Variants in LRBA observed in about 807,000 individuals in gnomAD.
The protein encoded by LRBA is LPS responsive beige-like anchor protein, also known as lipopolysaccharide-responsive and beige-like anchor protein.
A neutral mutation model predicts 330.0 loss-of-function variants in LRBA; 176 were observed. The observed-to-expected ratio is 0.53, with a 90% CI of 0.47 to 0.60. The LOEUF (loss-of-function observed/expected upper bound fraction) is 0.60. LRBA is among the 20% of genes least tolerant of loss of function. The probability of loss-of-function intolerance (pLI) is 0.00; values close to 1 mark genes in which losing one functional copy is unlikely to be tolerated. For synonymous variants in LRBA, 1,230 were observed against 1,193.0 expected, an observed-to-expected ratio of 1.03 and a Z score of -0.64; for missense variants, 3,259 against 3,444.8, an observed-to-expected ratio of 0.95 and a Z score of 1.35.
At chr4:150,474,072 T>C (rs954221043) in intron 42 of LRBA, among the ~76,000 whole-genome samples, 1 of 152,170 alleles carries the variant, frequency 6.6e-6, no homozygotes, top group Non-Finnish European at 1.5e-5. Context: ...AGAAAGTTTT[T>C]CTCCTATGTT....
intron 30 of LRBA, among the ~76,000 whole-genome samples, chr4:150,826,126 AT>A (rs2126802896): frequency 6.6e-6 from 1 of 152,340 alleles, no homozygotes; most frequent in South Asian, 2.1e-4. Flanking sequence ...AACTGAAGTC[AT>A]TATATGTCAA....
At chr4:150,407,043 A>T (rs1226280128) in intron 47 of LRBA, among the ~76,000 whole-genome samples, 2 of 152,168 alleles carry the variant, frequency 1.3e-5, no homozygotes, top group Non-Finnish European at 2.9e-5. Context: ...TTAGCCTCCC[A>T]AAGTGCTGGG....
At chr4:150,828,073 A>T in intron 30 of LRBA, 107 bp downstream of exon 30, 1 of 927,954 alleles carries the variant, frequency 1.1e-6, no homozygotes, top group Non-Finnish European at 1.6e-6. Context: ...GGGAGTGAAA[A>T]GTTATATGTG....
intron 37 of LRBA, among the ~76,000 whole-genome samples, chr4:150,620,792 A>G (rs747433098): frequency 6.6e-6 from 1 of 152,134 alleles, no homozygotes; most frequent in Non-Finnish European, 1.5e-5. Flanking sequence ...ATAATGGACT[A>G]TGGGGACTCA....
chr4:150,282,388 T>C, intron 55 of LRBA, 62 bp downstream of exon 55: 5 of 1,455,856 alleles, frequency 3.4e-6, no homozygotes, highest in Non-Finnish European at 4.7e-6. Flanking sequence ...ACCCTCTCCC[T>C]CCCCACTTGA....
chr4:150,925,674 C>A (rs1044018011), intron 4 of LRBA, among the ~76,000 whole-genome samples: 2 of 152,128 alleles, frequency 1.3e-5, no homozygotes, highest in African/African-American at 4.8e-5. Flanking sequence ...ATTTTGTGTT[C>A]ATTTGGTTGT....
At chr4:150,864,739 T>C (rs1033688983) in intron 22 of LRBA, among the ~76,000 whole-genome samples, 3 of 149,964 alleles carry the variant, frequency 2.0e-5, no homozygotes, top group African/African-American at 7.4e-5. Flanking sequence ...CTCTGCCTCC[T>C]GGGTTCAGGC....
intron 4 of LRBA, among the ~76,000 whole-genome samples, chr4:150,921,701 T>G (rs930933374): frequency 6.6e-6 from 1 of 152,152 alleles, no homozygotes; most frequent in African/African-American, 2.4e-5. Context: ...TAGCTGGGAT[T>G]ACAGGTGTGT....
chr4:150,622,574 G>A (rs947662044), intron 37 of LRBA, among the ~76,000 whole-genome samples: 1 of 151,974 alleles, frequency 6.6e-6, no homozygotes, highest in Non-Finnish European at 1.5e-5. Flanking sequence ...CAACTGGAAG[G>A]TAAAATCCCA....
intron 13 of LRBA, among the ~76,000 whole-genome samples, chr4:150,900,420 A>T (rs939083372): frequency 5.9e-5 from 9 of 152,184 alleles, no homozygotes; most frequent in African/African-American, 2.2e-4. Context: ...AAACCAGGTA[A>T]TTTCTTCTTT....
In LRBA at chr4:150,948,755, T is replaced by TG. The variant is rs1579290986; in HGVS notation, c.217-19691_217-19690insC. 3.3e-5 allele frequency among the ~76,000 whole-genome samples: 5 copies of TG among 150,188 alleles called. No homozygotes were observed. The East Asian group carries it at 7.8e-4, about 23-fold the overall frequency. On this transcript the variant is annotated intron_variant, in intron 2 of 56. Coordinates refer to ENST00000651943, the MANE Select transcript of LRBA (RefSeq NM_001364905.1). ...AATATAGTCTCTCAAAAGTCAAGAGTAAAAAAAATCCAATTAGAAAATGTG... is the reference window on the plus strand; with the variant it reads ...AATATAGTCTCTCAAAAGTCAAGAGTGAAAAAAAATCCAATTAGAAAATGTG...
intron 42 of LRBA, among the ~76,000 whole-genome samples, chr4:150,475,353 A>G (rs564925671): frequency 2.6e-5 from 4 of 152,268 alleles, no homozygotes; most frequent in Non-Finnish European, 4.4e-5. Flanking sequence ...TGAAAGATTT[A>G]TATCATTTCT....
intron 42 of LRBA, among the ~76,000 whole-genome samples, chr4:150,486,466 AT>A (rs1197189236): frequency 6.6e-6 from 1 of 151,820 alleles, no homozygotes; most frequent in Non-Finnish European, 1.5e-5. Flanking sequence ...TTACCACAGC[AT>A]TTTTTATAAT....
In LRBA at chr4:150,852,316, T is replaced by G; in HGVS notation, c.3394A>C (p.Asn1132His). The G allele has an allele frequency of 6.2e-7, 1 of 1,614,066 alleles. No individual in the cohort carries two copies. The highest frequency in any genetic ancestry group is 8.5e-7 in the Non-Finnish European group (1 of 1,180,018). ...TCAGATGCAGCTGGAGACAAACTGT[T>G]ATCTTGGAGCTCTGTGGGTAGATTA... ...EANLPTELQDNSLSPAASEAG... is the reference protein window; with the variant it reads ...EANLPTELQDHSLSPAASEAG... Residue 1132 changes from asparagine to histidine, a missense_variant, in exon 23 of 57, where the codon AAC (asparagine) becomes CAC (histidine). Transcript: ENST00000651943.
chr4:150,875,447 C>T (rs914182293), intron 17 of LRBA, among the ~76,000 whole-genome samples: 1 of 152,232 alleles, frequency 6.6e-6, no homozygotes, highest in Non-Finnish European at 1.5e-5. Context: ...CCATGCACTA[C>T]ACACATCAGC....
intron 40 of LRBA, among the ~76,000 whole-genome samples, chr4:150,553,748 G>C (rs527572272): frequency 7.2e-5 from 11 of 152,288 alleles, no homozygotes; most frequent in African/African-American, 2.6e-4. Flanking sequence ...ATAGACACTA[G>C]AGAAATTTGT....
intron 2 of LRBA, among the ~76,000 whole-genome samples, chr4:151,012,400 C>T (rs1213300542): frequency 6.6e-6 from 1 of 152,174 alleles, no homozygotes; most frequent in Non-Finnish European, 1.5e-5. Context: ...TGTCTTCACA[C>T]ACAAATAAGT....
intron 36 of LRBA, among the ~76,000 whole-genome samples, chr4:150,697,398 A>G (rs1784745529): frequency 6.7e-6 from 1 of 149,608 alleles, no homozygotes; most frequent in East Asian, 2.0e-4. Context: ...CCTGTTCACC[A>G]AGAAGAAAGG....
chr4:150,410,048 C>CA (rs1038827878), intron 47 of LRBA, among the ~76,000 whole-genome samples: 11 of 151,406 alleles, frequency 7.3e-5, no homozygotes, highest in African/African-American at 2.4e-4. Flanking sequence ...ACAATAACAA[C>CA]AAAAAAAACA....
Sources: allele counts gnomAD v4.1 joint callset (sites outside exome capture counted in the v4.1 genomes callset), GRCh38; gene constraint gnomAD v4.1.1; transcripts MANE v1.5; gene names NCBI Gene and HGNC (gene_info 2026-07-23, HGNC 2026-07-21).